Variants in DLC1 observed in about 807,000 individuals in gnomAD.
DLC1 encodes the protein rho GTPase-activating protein 7.
In DLC1, 54 loss-of-function variants were observed where a neutral mutation model predicts 140.3. That is an observed-to-expected ratio of 0.38 (90% CI 0.31 to 0.48). The LOEUF is 0.48. Ranked by LOEUF, DLC1 falls within the 20% of genes least tolerant of loss-of-function variation. DLC1 has a pLI of 0.96. For missense variants in DLC1, 2,536 were observed against 1,907.0 expected, an observed-to-expected ratio of 1.33 and a Z score of -6.14; for synonymous variants, 986 against 728.1, an observed-to-expected ratio of 1.35 and a Z score of -5.70.
chr8:13,408,028 A>G (rs2291211), intron 2 of DLC1, among the ~76,000 whole-genome samples: 12,994 of 152,244 alleles, frequency 0.085, 1,336 homozygotes, highest in East Asian at 0.44. Context: ...ATGTAAATTG[A>G]CAGTAAGAAG....
At chr8:13,348,995 GAA>G (rs1166443660) in intron 4 of DLC1, among the ~76,000 whole-genome samples, 1 of 152,134 alleles carries the variant, frequency 6.6e-6, no homozygotes, top group Non-Finnish European at 1.5e-5. Flanking sequence ...ATAGGGAGAT[GAA>G]AAGAGAAGTG....
chr8:13,581,794 G>T (rs1181941587), intron 1 of DLC1, among the ~76,000 whole-genome samples: 2 of 152,102 alleles, frequency 1.3e-5, no homozygotes, highest in Non-Finnish European at 2.9e-5. Flanking sequence ...TCCGTGATTT[G>T]TCCTCTGCCT....
chr8:13,564,910 C>A (rs1032665840), intron 1 of DLC1, among the ~76,000 whole-genome samples: 2 of 152,188 alleles, frequency 1.3e-5, no homozygotes, highest in African/African-American at 4.8e-5. Context: ...CCAATCCCCA[C>A]CACAAGCAGC....
intron 2 of DLC1, among the ~76,000 whole-genome samples, chr8:13,473,707 G>C (rs541703001): frequency 7.4e-4 from 113 of 152,248 alleles, no homozygotes; most frequent in Non-Finnish European, 9.4e-4. Flanking sequence ...TGAGGAACTT[G>C]TTGGGAACTG....
intron 5 of DLC1, among the ~76,000 whole-genome samples, chr8:13,155,068 C>T (rs142557773): frequency 2.0e-5 from 3 of 151,458 alleles, no homozygotes; most frequent in Non-Finnish European, 4.4e-5. Context: ...AACGTATATA[C>T]TTGTATTTAA....
At chr8:13,185,281 C>G (rs930715136) in intron 5 of DLC1, among the ~76,000 whole-genome samples, 2 of 73,500 alleles carry the variant, frequency 2.7e-5, no homozygotes, top group Admixed American at 2.8e-4. Flanking sequence ...TGTGTCTTTT[C>G]TGTTTTTTTT....
At chr8:13,281,664 A>G (rs577936013) in intron 5 of DLC1, among the ~76,000 whole-genome samples, 46 of 152,310 alleles carry the variant, frequency 3.0e-4, no homozygotes, top group Non-Finnish European at 5.1e-4. Flanking sequence ...ATATACCAAA[A>G]TCACACTATC....
chr8:13,482,233 A>G (rs1163411582), intron 2 of DLC1, among the ~76,000 whole-genome samples: 1 of 152,234 alleles, frequency 6.6e-6, no homozygotes, highest in Non-Finnish European at 1.5e-5. Context: ...TTGAAGTAAT[A>G]TCATTAATTA....
intron 5 of DLC1, among the ~76,000 whole-genome samples, chr8:13,235,342 C>G (rs1036126053): frequency 2.0e-5 from 3 of 152,002 alleles, no homozygotes; most frequent in African/African-American, 7.2e-5. Flanking sequence ...GTGTTTAAAG[C>G]TGGTACCTTC....
At chr8:13,280,171 C>G (rs1160028949) in intron 5 of DLC1, among the ~76,000 whole-genome samples, 2 of 150,620 alleles carry the variant, frequency 1.3e-5, no homozygotes, top group Non-Finnish European at 3.0e-5. Context: ...ACCTATAGTC[C>G]CAGCTACTCA....
At chr8:13,159,867 A>G (rs1309388868) in intron 5 of DLC1, among the ~76,000 whole-genome samples, 1 of 151,892 alleles carries the variant, frequency 6.6e-6, no homozygotes, top group Non-Finnish European at 1.5e-5. Flanking sequence ...GAAAAAAAAA[A>G]AAAAAGGCGA....
intron 1 of DLC1, chr8:13,557,597 G>A (rs1244258766): frequency 6.6e-6 from 1 of 152,142 alleles, no homozygotes; most frequent in Non-Finnish European, 1.5e-5. Context: ...AGAGCTGATG[G>A]TTTTAAAGTG....
intron 3 of DLC1, among the ~76,000 whole-genome samples, chr8:13,395,433 T>C (rs1041362540): frequency 1.3e-5 from 2 of 152,142 alleles, no homozygotes; most frequent in African/African-American, 4.8e-5. Context: ...TTATAATTCT[T>C]GTCTGTCTTC....
chr8:13,206,481 T>C (rs1827669746), intron 5 of DLC1, among the ~76,000 whole-genome samples: 1 of 152,082 alleles, frequency 6.6e-6, no homozygotes, highest in Non-Finnish European at 1.5e-5. Flanking sequence ...CCCCCTTTCA[T>C]TATGAGCCAC....
chr8:13,334,215 G>A (rs74971143), intron 4 of DLC1, among the ~76,000 whole-genome samples: 4,680 of 152,170 alleles, frequency 0.031, 107 homozygotes, highest in South Asian at 0.094. Flanking sequence ...ACACAGAGGA[G>A]AGAAGCAGGG....
intron 5 of DLC1, chr8:13,276,469 G>A: frequency 9.7e-6 from 13 of 1,344,908 alleles, no homozygotes; most frequent in Non-Finnish European, 1.2e-5. Context: ...CCCGCGCTGT[G>A]CTCCCGGCCG....
intron 1 of DLC1, among the ~76,000 whole-genome samples, chr8:13,523,563 A>G (rs922414290): frequency 3.9e-5 from 6 of 152,208 alleles, no homozygotes; most frequent in Admixed American, 3.9e-4. Flanking sequence ...CGTATTTGCA[A>G]TTTAAAGTAC....
At chr8:13,507,118 T>C (rs1476204316) in intron 1 of DLC1, among the ~76,000 whole-genome samples, 1 of 152,128 alleles carries the variant, frequency 6.6e-6, no homozygotes, top group East Asian at 1.9e-4. Flanking sequence ...CAAAGAGCAT[T>C]TGTGGAAGCC....
chr8:13,131,744 A>G (rs527327814), intron 5 of DLC1, among the ~76,000 whole-genome samples: 1 of 152,262 alleles, frequency 6.6e-6, no homozygotes, highest in South Asian at 2.1e-4. Context: ...TAATACAGTT[A>G]TCACCCCTTT....
Sources: gnomAD v4.1 joint callset for allele counts (sites outside exome capture counted in the v4.1 genomes callset) on GRCh38, gnomAD v4.1.1 for gene constraint, MANE v1.5 for transcripts, NCBI Gene and HGNC (gene_info 2026-07-23, HGNC 2026-07-21) for gene names.